COL26A1: variants seen among roughly 807,000 people sequenced by gnomAD.
COL26A1 encodes collagen alpha-1(XXVI) chain.
A neutral mutation model predicts 59.3 loss-of-function variants in COL26A1; 41 were observed. The observed-to-expected ratio is 0.69, with a 90% CI of 0.54 to 0.90. The LOEUF is 0.90. COL26A1 is among the 40% of genes least tolerant of loss of function. COL26A1 has a pLI of 0.00. For synonymous variants in COL26A1, 266 were observed against 256.0 expected, an observed-to-expected ratio of 1.04 and a Z score of -0.37; for missense variants, 612 against 602.3, an observed-to-expected ratio of 1.02 and a Z score of -0.17.
At chr7:101,364,717 A>G (rs4729695) in intron 1 of COL26A1, among the ~76,000 whole-genome samples, 88,130 of 151,886 alleles carry the variant, frequency 0.58, 27,128 homozygotes, top group African/African-American at 0.8. Context: ...TCACAGGTGT[A>G]CACCATCATG....
At chr7:101,533,881 C>T (rs1795422022) in intron 4 of COL26A1, among the ~76,000 whole-genome samples, 1 of 152,224 alleles carries the variant, frequency 6.6e-6, no homozygotes, top group Non-Finnish European at 1.5e-5. Context: ...CAGGCTCATG[C>T]CAGCTCCTGT....
intron 3 of COL26A1, among the ~76,000 whole-genome samples, chr7:101,467,050 G>T (rs896031370): frequency 6.6e-6 from 1 of 151,912 alleles, no homozygotes; most frequent in African/African-American, 2.4e-5. Flanking sequence ...TTGGGGTTTG[G>T]AGTCCAACCA....
intron 1 of COL26A1, among the ~76,000 whole-genome samples, chr7:101,387,755 TATATATATATATATATATATATA>T (rs1791619142): frequency 3.8e-5 from 2 of 53,242 alleles, no homozygotes; most frequent in African/African-American, 1.3e-4. Flanking sequence ...TATATATATT[TATATATATATATATATATATATA>T]TTTTTTTTTA....
intron 1 of COL26A1, among the ~76,000 whole-genome samples, chr7:101,373,734 G>C (rs1322079208): frequency 6.6e-6 from 1 of 152,152 alleles, no homozygotes; most frequent in Non-Finnish European, 1.5e-5. Context: ...GCACATAGAG[G>C]AGGGAGACTT....
chr7:101,496,595 A>G (rs1794590399), intron 3 of COL26A1, among the ~76,000 whole-genome samples: 1 of 151,920 alleles, frequency 6.6e-6, no homozygotes. Context: ...GCAGATCTAG[A>G]CCCCAAGAGA....
chr7:101,397,027 A>T (rs1008216598), intron 1 of COL26A1, among the ~76,000 whole-genome samples: 15 of 152,186 alleles, frequency 9.9e-5, no homozygotes, highest in African/African-American at 3.6e-4. Context: ...GCTCCAAAGC[A>T]TGGGATGGAG....
chr7:101,552,803 A>G (rs1795887479), intron 10 of COL26A1, among the ~76,000 whole-genome samples: 2 of 152,244 alleles, frequency 1.3e-5, no homozygotes, highest in Non-Finnish European at 2.9e-5. Context: ...GCTACTCAGG[A>G]GGCTGAGGCA....
chr7:101,363,133 A>T lies in COL26A1; in HGVS notation c.101A>T (p.Gln34Leu). The T allele has an allele frequency of 6.6e-7, 1 of 1,510,308 alleles. No homozygotes were observed. The highest frequency in any genetic ancestry group is 8.8e-7 in the Non-Finnish European group (1 of 1,136,034). The allele number at this position is 1,510,308 out of a possible 1,614,324, so 93.6% of individuals were successfully genotyped here. ...LYPFSAAALQ[Q>L]HGYPEPGAGS... ...CCCTTCTCGGCCGCAGCTCTGCAGC[A>T]GCACGGCTACCCCGAGCCCGGCGCC... The change falls in exon 1 of 13, where the codon CAG becomes CTG. Residue 34 changes from glutamine to leucine, a missense_variant. Coordinates refer to ENST00000313669, the MANE Select transcript of COL26A1 (RefSeq NM_001278563.3).
chr7:101,489,919 T>C (rs1425341539), intron 3 of COL26A1, among the ~76,000 whole-genome samples: 3 of 69,080 alleles, frequency 4.3e-5, no homozygotes, highest in East Asian at 5.2e-4. Flanking sequence ...TCTTTCTTTC[T>C]TGTCTCTCTC....
chr7:101,474,394 C>T (rs1338583478), intron 3 of COL26A1, among the ~76,000 whole-genome samples: 2 of 150,708 alleles, frequency 1.3e-5, no homozygotes, highest in East Asian at 1.9e-4. Context: ...CCCAGGAAGT[C>T]GAGACCAGCC....
At chr7:101,424,688 C>T (rs1228158888) in intron 2 of COL26A1, among the ~76,000 whole-genome samples, 1 of 152,176 alleles carries the variant, frequency 6.6e-6, no homozygotes, top group Non-Finnish European at 1.5e-5. Flanking sequence ...ATTGGGTGCA[C>T]ACCCTCTGTC....
intron 3 of COL26A1, among the ~76,000 whole-genome samples, chr7:101,469,853 GCACTTTGCTGATGGTTAC>G (rs1356819112): frequency 2.0e-5 from 3 of 152,084 alleles, no homozygotes; most frequent in Non-Finnish European, 4.4e-5. Flanking sequence ...ACTCAGGAAA[GCACTTTGCTGATGGTTAC>G]CATCTTATTG....
At chr7:101,400,296 T>C (rs1389120354) in intron 1 of COL26A1, among the ~76,000 whole-genome samples, 1 of 151,320 alleles carries the variant, frequency 6.6e-6, no homozygotes, top group Non-Finnish European at 1.5e-5. Flanking sequence ...GGCTCGGTCA[T>C]GGAGTGGGCT....
intron 2 of COL26A1, among the ~76,000 whole-genome samples, chr7:101,439,476 C>T (rs780138400): frequency 2.1e-4 from 31 of 144,354 alleles, no homozygotes; most frequent in Non-Finnish European, 4.0e-4. Flanking sequence ...ATCACTTGAA[C>T]CCAGGAGGCG....
chr7:101,461,446 C>T (rs575535413), intron 3 of COL26A1, among the ~76,000 whole-genome samples: 55 of 152,050 alleles, frequency 3.6e-4, no homozygotes, highest in African/African-American at 1.3e-3. Flanking sequence ...TTACAGATGC[C>T]CGCCACTACA....
At chr7:101,451,906 C>G (rs1793349793) in intron 3 of COL26A1, among the ~76,000 whole-genome samples, 2 of 152,028 alleles carry the variant, frequency 1.3e-5, no homozygotes, top group South Asian at 4.2e-4. Flanking sequence ...GGGGTTTCAC[C>G]ATTTTGGCCA....
rs377505135 is a variant in COL26A1, at chr7:101,537,555, G to C, written c.448-2338G>C. 2.0e-5 allele frequency among the ~76,000 whole-genome samples: 3 copies of C among 152,232 alleles called. No homozygotes were observed. The East Asian group carries it at 5.8e-4, about 29-fold the overall frequency. ...GGTCAGACACAGCCAGGCCAGGAGGGCTGAGACGCTGGCAGGGGCAGATTC... is the reference window on the plus strand; with the variant it reads ...GGTCAGACACAGCCAGGCCAGGAGGCCTGAGACGCTGGCAGGGGCAGATTC... On this transcript the variant is annotated intron_variant, in intron 4 of 12. Coordinates refer to ENST00000313669, the MANE Select transcript of COL26A1 (RefSeq NM_001278563.3).
At chr7:101,519,264 C>G (rs575657465) in intron 3 of COL26A1, among the ~76,000 whole-genome samples, 1 of 152,278 alleles carries the variant, frequency 6.6e-6, no homozygotes, top group East Asian at 1.9e-4. Flanking sequence ...TCACTGACTC[C>G]TGAGGTTTCC....
At chr7:101,528,063 T>C (rs1210097388) in intron 3 of COL26A1, among the ~76,000 whole-genome samples, 1 of 152,126 alleles carries the variant, frequency 6.6e-6, no homozygotes, top group Admixed American at 6.5e-5. Flanking sequence ...TGCCCGGGGA[T>C]GGGGGTGGTG....
Sources: gnomAD v4.1 joint callset for allele counts (sites outside exome capture counted in the v4.1 genomes callset) on GRCh38, gnomAD v4.1.1 for gene constraint, MANE v1.5 for transcripts, NCBI Gene and HGNC (gene_info 2026-07-23, HGNC 2026-07-21) for gene names.